Variants in ITGA5 observed in about 807,000 individuals in gnomAD.
The protein encoded by ITGA5 is integrin alpha-5.
A neutral mutation model predicts 146.3 loss-of-function variants in ITGA5; 55 were observed. The ratio of observed to expected loss-of-function variants is 0.38; its 90% CI spans 0.30 to 0.47. The LOEUF (loss-of-function observed/expected upper bound fraction) is 0.47, where lower values mean the gene tolerates loss of function less well. ITGA5 is among the 20% of genes least tolerant of loss of function. The pLI is 0.99. For missense variants in ITGA5, 1,131 were observed against 1,329.0 expected (o/e 0.85, Z 2.32); for synonymous variants, 500 against 531.8 (o/e 0.94, Z 0.82).
Position 54,411,932 on chromosome 12 carries a change from T to A in ITGA5, c.251A>T (p.Asn84Ile). The A allele has an allele frequency of 6.2e-7, 1 of 1,603,854 alleles. No individual in the cohort carries two copies. The highest frequency in any genetic ancestry group is 8.5e-7 in the Non-Finnish European group (1 of 1,174,706). The change falls in exon 2 of 30, where the codon AAT becomes ATT. Residue 84 changes from asparagine to isoleucine, a missense_variant. Asn to Ile is a moderately radical substitution (Grantham distance 149, BLOSUM62 -3). Coordinates refer to ENST00000293379, the MANE Select transcript of ITGA5 (RefSeq NM_002205.5). ...CTGCAGCACTCCTGGCTGGCTGGTATTAGCCTTGGGTGCTCCCACCAGCAC... is the reference window on the plus strand; with the variant it reads ...CTGCAGCACTCCTGGCTGGCTGGTAATAGCCTTGGGTGCTCCCACCAGCAC... The part of the protein sequence containing the change: ...VSVLVGAPKA[N>I]TSQPGVLQGG...
chr12:54,406,486 C>A (rs1050260316), intron 9 of ITGA5, among the ~76,000 whole-genome samples: 5 of 152,208 alleles, frequency 3.3e-5, no homozygotes, highest in Admixed American at 1.3e-4. Flanking sequence ...AATGTCCCTG[C>A]CTCCAGCTCT....
Position 54,399,672 on chromosome 12 carries a change from G to T in ITGA5, c.2814C>A (p.Phe938Leu). 6.2e-7 allele frequency: 1 copy of T among 1,614,124 alleles called. No individual in the cohort carries two copies. The highest frequency in any genetic ancestry group is 8.5e-7 in the Non-Finnish European group (1 of 1,179,924). The stretch of plus-strand genomic sequence containing the variant: ...GCAAGAAAGTCTTGGCCCAGACTCG[G>T]AAATGCAACTGCAGACTTTGGCTCT... The part of the protein sequence containing the change: ...QQESQSLQLH[F>L]RVWAKTFLQR... Residue 938 changes from phenylalanine to leucine, a missense_variant, in exon 27 of 30, where the codon TTC (phenylalanine) becomes TTA (leucine). Phe to Leu is a conservative substitution (Grantham distance 22). Transcript: ENST00000293379.
Position 54,400,085 on chromosome 12 carries a change from G to A in ITGA5, c.2644-138C>T, listed in dbSNP as rs559366237. 14 of 654,336 alleles carry A rather than the reference G, an allele frequency of 2.1e-5. No homozygotes were observed. In the East Asian group the frequency reaches 3.0e-4, roughly 14 times the overall value. The allele number at this position is 654,336 out of a possible 1,614,324, so 40.5% of individuals were successfully genotyped here. On this transcript the variant is annotated intron_variant, in intron 25 of 29. Transcript: ENST00000293379. ...TCATCCAACTGTCCACCTCCTATGC[G>A]CAAGGCACTGAGCTCAGGGTTAAAA...
rs1955781091 is a variant in ITGA5, at chr12:54,401,338, A to G, written c.2493+35T>C. The G allele has an allele frequency of 7.0e-7, 1 of 1,428,464 alleles. No individual in the cohort carries two copies. Among genetic ancestry groups the G allele is most frequent in the Non-Finnish European group, 9.9e-7 (1 of 1,012,294 alleles). 88.5% of individuals were successfully genotyped at this position (1,428,464 alleles called of 1,614,324 possible). ...CACTCATATTAGCTCCTCCTTTCCC[A>G]TCATTCATTCTGGCCCTGCCCCTTC... is the stretch of plus-strand genomic sequence containing the variant. On this transcript the variant is annotated intron_variant, in intron 24 of 29. Transcript: ENST00000293379. The surrounding 1 kb of genome is among the most constrained non-coding windows in gnomAD (Gnocchi z 5.0).
In ITGA5 at chr12:54,403,102, G is replaced by T. The variant is rs1955809849; in HGVS notation, c.1915-52C>A. 1 of 1,609,510 alleles carries T rather than the reference G, an allele frequency of 6.2e-7. No individual in the cohort carries two copies. Among genetic ancestry groups the T allele is most frequent in the Non-Finnish European group, 8.5e-7 (1 of 1,177,388 alleles). On this transcript the variant is annotated intron_variant, in intron 18 of 29. Transcript: ENST00000293379. This position sits in a 1 kb window ranked among gnomAD's most constrained non-coding sequence, Gnocchi z 4.9. ...GGAAGTTTAGACCCATTCCTGGGCT[G>T]TAGGCTCTTCTCTTTCCATGGCCCT...
intron 1 of ITGA5, among the ~76,000 whole-genome samples, chr12:54,414,822 A>G (rs1955986564): frequency 2.7e-5 from 4 of 149,040 alleles, no homozygotes. Context: ...ACTCCAGTCC[A>G]GAGACAGAGC....
At position 54,402,316 on chromosome 12, in the gene ITGA5, A is replaced by G; in HGVS notation, c.1997T>C (p.Val666Ala). 6.2e-7 allele frequency: 1 copy of G among 1,613,550 alleles called. No homozygotes were observed. Among genetic ancestry groups the G allele is most frequent in the Non-Finnish European group, 8.5e-7 (1 of 1,179,648 alleles). ...QLEVFGEQNH[V>A]YLGDKNALNL... ...CAGGGCATTCTTGTCACCCAGGTAC[A>G]CATGGTTCTGCTCCCTGGAAGGGAC... Residue 666 changes from valine (V) to alanine (A), a missense_variant, in exon 20 of 30, where the codon GTG becomes GCG. Around this residue, in one of 3 missense-constraint regions of ITGA5, gnomAD observed 889 missense variants for 1,021.5 expected, o/e 0.87. Transcript: ENST00000293379.
At chr12:54,400,005 G>T in intron 25 of ITGA5, 58 bp from the exon 26 acceptor site, 1 of 1,265,250 alleles carries the variant, frequency 7.9e-7, no homozygotes, top group Non-Finnish European at 1.2e-6. Context: ...AAGTCAGCTT[G>T]CACCTGGGTT....
intron 1 of ITGA5, among the ~76,000 whole-genome samples, chr12:54,414,588 T>TG (rs1955982317): frequency 6.6e-6 from 1 of 152,178 alleles, no homozygotes; most frequent in African/African-American, 2.4e-5. Flanking sequence ...GGCTCACGCC[T>TG]GTAATCCCAG....
chr12:54,406,196 A>G (rs1446976914), intron 9 of ITGA5: 2 of 531,760 alleles, frequency 3.8e-6, no homozygotes, highest in Non-Finnish European at 6.8e-6. Context: ...ACCCACTAGA[A>G]TGTAAGATCA....
At chr12:54,407,958 C>A in intron 7 of ITGA5, 82 bp from the exon 8 acceptor site, 3 of 1,516,850 alleles carry the variant, frequency 2.0e-6, no homozygotes, top group African/African-American at 1.4e-5. Flanking sequence ...CCCTTCCCCA[C>A]CCCTACTGGG....
rs777252762 is a variant in ITGA5, at chr12:54,399,636, C to A, written c.2841+9G>T. On this transcript the variant is annotated intron_variant, in intron 27 of 29. Transcript: ENST00000293379. ...GTCAGGGGTCAGGGCTGAGGTAAGG[C>A]TCCCTCACCTGCAAGAAAGTCTTGG... 37 of 1,593,992 alleles carry A rather than the reference C, an allele frequency of 2.3e-5. No homozygotes were observed. The highest frequency in any genetic ancestry group is 1.5e-4 in the Admixed American group (9 of 59,988).
rs144976814 is a variant in ITGA5, at chr12:54,402,001, A to G, written c.2226T>C (p.Ser742=). ...CCATCCTCTTTCATCCCAAACTTAC[A>G]CTGGCTCCTGCCTTCATGGGGTTGC... is the stretch of plus-strand genomic sequence containing the variant. The part of the protein sequence containing the change: ...DLGNPMKAGA[S]LWGGLRFTVP... The change falls in exon 21 of 30, where the codon AGT becomes AGC. Residue 742 remains serine, a splice_region_variant and synonymous_variant. Coordinates refer to ENST00000293379, the MANE Select transcript of ITGA5 (RefSeq NM_002205.5). 1 of 1,613,848 alleles carries G rather than the reference A, an allele frequency of 6.2e-7. No homozygotes were observed. The highest frequency in any genetic ancestry group is 1.1e-5 in the South Asian group (1 of 91,076).
intron 29 of ITGA5, chr12:54,397,158 G>C (rs1444814943): frequency 2.0e-5 from 9 of 448,696 alleles, no homozygotes; most frequent in Non-Finnish European, 8.0e-6. Context: ...TTATCATCTT[G>C]AGTCAAGAGG....
Position 54,405,191 on chromosome 12 carries a change from C to G in ITGA5, c.1200G>C (p.Gly400=). 1 of 1,608,546 alleles carries G rather than the reference C, an allele frequency of 6.2e-7. No homozygotes were observed. The highest frequency in any genetic ancestry group is 8.5e-7 in the Non-Finnish European group (1 of 1,176,190). ...GRFGSSLTPL[G]DLDQDGYNDV... is the part of the protein sequence containing the mutation. ...CATTGTAGCCATCCTGGTCCAGGTC[C>G]CCCAGGGGGGTCAAGGAGCTGCCAA... Residue 400 remains glycine (G), a synonymous_variant, in exon 12 of 30, where the codon GGG becomes GGC. Coordinates refer to ENST00000293379, the MANE Select transcript of ITGA5 (RefSeq NM_002205.5).
rs1955782199 is a variant in ITGA5 at position 54,401,418 on chromosome 12, A to C, written c.2448T>G (p.Pro816=). ...PVSDWHPRDQ[P]QKEEDLGPAV... ...CAGGTCCCAGGTCCTCCTCCTTCTG[A>C]GGCTGGTCTCGGGGATGCCAGTCGC... The change falls in exon 24 of 30, where the codon CCT becomes CCG. Residue 816 remains proline, a synonymous_variant. Transcript: ENST00000293379. The surrounding 1 kb of genome is among the most constrained non-coding windows in gnomAD (Gnocchi z 5.0). 2 of 1,613,752 alleles carry C rather than the reference A, an allele frequency of 1.2e-6. No individual in the cohort carries two copies. Among genetic ancestry groups the C allele is most frequent in the African/African-American group, 2.7e-5 (2 of 74,888 alleles).
chr12:54,406,721 C>T (rs1433450999), intron 9 of ITGA5, among the ~76,000 whole-genome samples: 1 of 152,210 alleles, frequency 6.6e-6, no homozygotes, highest in East Asian at 1.9e-4. Context: ...CATTCATGCT[C>T]CTGCACAGGA....
rs766520730 is a variant in ITGA5, at chr12:54,400,928, T to C, written c.2561A>G (p.Glu854Gly). The change falls in exon 25 of 30, where the codon GAA (glutamate) becomes GGA (glycine). Residue 854 changes from glutamate (E) to glycine (G), a missense_variant. Physicochemically the swap from Glu to Gly is moderately conservative, Grantham distance 98 (BLOSUM62 -2). Coordinates refer to ENST00000293379, the MANE Select transcript of ITGA5 (RefSeq NM_002205.5). The part of the protein sequence containing the change: ...VLELSCPQAL[E>G]GQQLLYVTRV... ...GGTCACATATAGGAGCTGCTGACCT[T>C]CCAGAGCCTGGGGACAGCTGAGTTC... The C allele has an allele frequency of 6.2e-7, 1 of 1,614,014 alleles. No individual in the cohort carries two copies. Among genetic ancestry groups the C allele is most frequent in the Admixed American group, 1.7e-5 (1 of 60,012 alleles).
At chr12:54,415,918 A>G (rs1457719970) in intron 1 of ITGA5, among the ~76,000 whole-genome samples, 1 of 152,230 alleles carries the variant, frequency 6.6e-6, no homozygotes, top group East Asian at 1.9e-4. Context: ...CAAGCTTTCA[A>G]GTGTCCTGGG....
Sources: allele counts gnomAD v4.1 joint callset (sites outside exome capture counted in the v4.1 genomes callset), GRCh38; gene constraint gnomAD v4.1.1; regional missense constraint gnomAD v4.1.1; non-coding constraint Gnocchi (gnomAD v3.1); transcripts MANE v1.5; gene names NCBI Gene and HGNC (gene_info 2026-07-23, HGNC 2026-07-21).